Variants in GC observed in about 807,000 individuals in gnomAD.
The protein encoded by GC is vitamin D-binding protein.
Under a neutral mutation model 56.7 loss-of-function variants are expected in GC, and 43 were observed. The observed-to-expected ratio is 0.76, with a 90% CI of 0.59 to 0.98. The LOEUF (loss-of-function observed/expected upper bound fraction) is 0.98. GC is among the 50% of genes least tolerant of loss of function. GC has a pLI of 0.00. For missense variants in GC, 529 were observed against 545.9 expected, an observed-to-expected ratio of 0.97 and a Z score of 0.31; for synonymous variants, 216 against 202.7, an observed-to-expected ratio of 1.07 and a Z score of -0.56.
chr4:71,767,058 G>C (rs1047514105), intron 3 of GC, among the ~76,000 whole-genome samples: 2 of 152,114 alleles, frequency 1.3e-5, no homozygotes, highest in Non-Finnish European at 2.9e-5. Flanking sequence ...CTTATTTTAA[G>C]GTGGTACAGA....
chr4:71,758,195 T>C (rs1170051582), intron 6 of GC, 24 bp from the exon 7 acceptor site: 1 of 1,599,556 alleles, frequency 6.3e-7, no homozygotes, highest in East Asian at 2.2e-5. Context: ...AATAAATATG[T>C]TAGCTTATCA....
chr4:71,786,000 C>T (rs368776880), upstream of GC: 2 of 151,736 alleles, frequency 1.3e-5, no homozygotes, highest in East Asian at 1.9e-4. Context: ...TTATTTTCTA[C>T]GAATTTTGAT....
At chr4:71,765,139 C>G (rs1742115040) in intron 4 of GC, among the ~76,000 whole-genome samples, 1 of 152,164 alleles carries the variant, frequency 6.6e-6, no homozygotes, top group Non-Finnish European at 1.5e-5. Context: ...GAAATCACCA[C>G]AGGGGCTGTC....
At position 71,741,727 on chromosome 4, in the gene GC, T is replaced by C. The variant is rs575249750; in HGVS notation, c.*169A>G. The C allele has an allele frequency of 1.7e-3, 1,154 of 672,778 alleles. 1 individual carries two copies. Among genetic ancestry groups the C allele is most frequent in the Non-Finnish European group, 2.1e-3 (791 of 373,192 alleles). 41.7% of individuals were successfully genotyped at this position (672,778 alleles called of 1,614,324 possible). A position where few individuals can be genotyped will look rare whatever the true frequency, so the allele number is the denominator to read the frequency against. On this transcript the variant is annotated 3_prime_UTR_variant, in exon 13 of 13. Transcript: ENST00000273951. Reference sequence around the variant, plus strand: ...TGCATTATATTTCAATTTATTTTGATAGCAAATCATCATACTTGTCATTGT... The same window carrying C: ...TGCATTATATTTCAATTTATTTTGACAGCAAATCATCATACTTGTCATTGT...
At chr4:71,774,772 CTA>C (rs1301159599) in intron 1 of GC, among the ~76,000 whole-genome samples, 1 of 151,816 alleles carries the variant, frequency 6.6e-6, no homozygotes, top group Non-Finnish European at 1.5e-5. Flanking sequence ...TGTTTACTAC[CTA>C]TTTTTATGCA....
intron 11 of GC, among the ~76,000 whole-genome samples, chr4:71,747,696 T>C (rs982734475): frequency 8.5e-5 from 13 of 152,150 alleles, no homozygotes; most frequent in Admixed American, 5.9e-4. Context: ...GAGTATATGG[T>C]ATTCTTGCAA....
At chr4:71,755,842 A>G (rs1376120660) in intron 8 of GC, among the ~76,000 whole-genome samples, 1 of 152,232 alleles carries the variant, frequency 6.6e-6, no homozygotes, top group South Asian at 2.1e-4. Flanking sequence ...CTATGCACTT[A>G]TAAAAGCAAT....
At chr4:71,746,877 A>AG (rs1741392301) in intron 11 of GC, among the ~76,000 whole-genome samples, 1 of 151,666 alleles carries the variant, frequency 6.6e-6, no homozygotes, top group South Asian at 2.1e-4. Context: ...ATTTGACCTC[A>AG]GTATAGAGAT....
At chr4:71,759,625 C>A (rs1266429040) in intron 6 of GC, 1 of 152,144 alleles carries the variant, frequency 6.6e-6, no homozygotes, top group Non-Finnish European at 1.5e-5. Flanking sequence ...ACTTGATTTG[C>A]ATGTATCTTA....
intron 3 of GC, among the ~76,000 whole-genome samples, chr4:71,767,811 C>T (rs1009833810): frequency 9.9e-5 from 15 of 151,860 alleles, no homozygotes; most frequent in African/African-American, 3.4e-4. Context: ...TCCCTCACCC[C>T]CTTCACCCTT....
intron 5 of GC, 32 bp downstream of exon 5, chr4:71,763,771 AC>A (rs769079064): frequency 6.4e-7 from 1 of 1,558,912 alleles, no homozygotes; most frequent in Non-Finnish European, 8.7e-7. Context: ...GAAGAAAAAA[AC>A]GTAAACATAT....
At chr4:71,767,443 A>C (rs994946609) in intron 3 of GC, among the ~76,000 whole-genome samples, 2 of 152,030 alleles carry the variant, frequency 1.3e-5, no homozygotes, top group Admixed American at 6.6e-5. Context: ...AGTTATGTGC[A>C]TACAGGGCAA....
intron 6 of GC, among the ~76,000 whole-genome samples, chr4:71,760,242 CG>C (rs1560696149): frequency 6.7e-6 from 1 of 149,636 alleles, no homozygotes; most frequent in African/African-American, 2.5e-5. Context: ...TTAGTAGAGA[CG>C]GGGTTTCATC....
intron 1 of GC, among the ~76,000 whole-genome samples, chr4:71,800,620 CAG>C (rs1560717530): frequency 6.6e-6 from 1 of 152,234 alleles, no homozygotes; most frequent in East Asian, 1.9e-4. Context: ...CTGGGTCAAA[CAG>C]TATTTCTGGT....
At chr4:71,784,475 C>G (rs1452077760), upstream of GC, 1 of 171,442 alleles carries the variant, frequency 5.8e-6, no homozygotes, top group Non-Finnish European at 1.2e-5. Context: ...CTCTCTTCCT[C>G]TCTTTGTTTA....
chr4:71,774,738 G>C (rs564149666), intron 1 of GC, among the ~76,000 whole-genome samples: 1 of 151,916 alleles, frequency 6.6e-6, no homozygotes, highest in South Asian at 2.1e-4. Context: ...TATGAGGTTT[G>C]TGGTTATCAC....
chr4:71,801,891 T>C (rs1215620505), intron 1 of GC, among the ~76,000 whole-genome samples: 1 of 69,064 alleles, frequency 1.4e-5, no homozygotes, highest in African/African-American at 1.1e-4. Context: ...TTCTTTCTTC[T>C]TTTTTTTTTT....
intron 1 of GC, among the ~76,000 whole-genome samples, chr4:71,781,848 G>A (rs569028576): frequency 1.5e-4 from 23 of 151,910 alleles, no homozygotes; most frequent in Non-Finnish European, 2.8e-4. Flanking sequence ...CTGTTTGATA[G>A]GAGAGGGCTG....
chr4:71,779,494 G>A (rs1183827670), intron 1 of GC, among the ~76,000 whole-genome samples: 1 of 151,762 alleles, frequency 6.6e-6, no homozygotes, highest in Admixed American at 6.6e-5. Flanking sequence ...GCCCTGGGGT[G>A]CAAAGGACTT....
Sources: allele counts gnomAD v4.1 joint callset (sites outside exome capture counted in the v4.1 genomes callset), GRCh38; gene constraint gnomAD v4.1.1; transcripts MANE v1.5; gene names NCBI Gene and HGNC (gene_info 2026-07-23, HGNC 2026-07-21).